TBC1D31: variants seen among roughly 807,000 people sequenced by gnomAD.
The protein encoded by TBC1D31 is TBC1 domain family member 31.
Under a neutral mutation model 132.9 loss-of-function variants are expected in TBC1D31, and 99 were observed. That is an observed-to-expected ratio of 0.74 (90% CI 0.63 to 0.88). TBC1D31 has a LOEUF of 0.88. Ranked by LOEUF, TBC1D31 falls within the 40% of genes least tolerant of loss-of-function variation. The pLI is 0.00. For missense variants in TBC1D31, 1,134 were observed against 1,256.6 expected (o/e 0.90, Z 1.48); for synonymous variants, 385 against 419.4 (o/e 0.92, Z 1.00).
intron 6 of TBC1D31, among the ~76,000 whole-genome samples, chr8:123,098,802 A>G (rs1817079068): frequency 6.6e-6 from 1 of 152,220 alleles, no homozygotes; most frequent in Non-Finnish European, 1.5e-5. Context: ...CCCAGAGTTG[A>G]AATAGTGGCA....
chr8:123,134,205 AG>A lies in TBC1D31; in HGVS notation c.2499+1del. The A allele has an allele frequency of 2.5e-6, 4 of 1,613,186 alleles. No homozygotes were observed. The highest frequency in any genetic ancestry group is 3.4e-6 in the Non-Finnish European group (4 of 1,179,194). On this transcript the variant is annotated frameshift_variant and splice_region_variant, in exon 17 of 22. Coordinates refer to ENST00000287380, the MANE Select transcript of TBC1D31 (RefSeq NM_145647.4). LOFTEE classifies it high-confidence loss of function. Reference protein sequence around the residue: ...ELESQKRLYEKNLTENQEALA... With the variant: ...ELESQKRLYEXNLTENQEALA... The stretch of plus-strand genomic sequence containing the variant: ...GAATCACAAAAGAGACTTTATGAGA[AG>A]GTATAATTCAGTTATTTCCAACATA...
intron 6 of TBC1D31, among the ~76,000 whole-genome samples, chr8:123,098,560 T>C (rs1817057842): frequency 6.6e-6 from 1 of 152,220 alleles, no homozygotes; most frequent in African/African-American, 2.4e-5. Flanking sequence ...AGTGCTGGGA[T>C]TATAGGCGTG....
chr8:123,138,026 G>C (rs577695516), intron 17 of TBC1D31, among the ~76,000 whole-genome samples: 1 of 152,064 alleles, frequency 6.6e-6, no homozygotes, highest in African/African-American at 2.4e-5. Flanking sequence ...GTATGCACAC[G>C]TCGTCCAATA....
chr8:123,135,127 T>C (rs892135087), intron 17 of TBC1D31, among the ~76,000 whole-genome samples: 1 of 152,308 alleles, frequency 6.6e-6, no homozygotes, highest in East Asian at 1.9e-4. Context: ...CCCAAACTCC[T>C]GGGCTCAAGC....
At chr8:123,157,243 G>A in the TBC1D31 span, among the ~76,000 whole-genome samples, 9 of 152,228 alleles carry the variant, frequency 5.9e-5, no homozygotes, top group African/African-American at 1.9e-4. Context: ...CCCGTGTGAG[G>A]ATCGAACTCA....
chr8:123,137,080 A>G (rs1487785165), intron 17 of TBC1D31, among the ~76,000 whole-genome samples: 2 of 152,192 alleles, frequency 1.3e-5, no homozygotes, highest in African/African-American at 4.8e-5. Flanking sequence ...CATGAGCTCA[A>G]CATTCCATAC....
chr8:123,153,111 T>G (rs576172544), downstream of TBC1D31, among the ~76,000 whole-genome samples: 7 of 152,272 alleles, frequency 4.6e-5, no homozygotes, highest in East Asian at 1.2e-3. Flanking sequence ...TTCCATACGT[T>G]TTTAGGTGAC....
chr8:123,140,922 G>C, intron 18 of TBC1D31, 21 bp downstream of exon 18: 2 of 1,608,176 alleles, frequency 1.2e-6, no homozygotes, highest in Non-Finnish European at 1.7e-6. Flanking sequence ...GATCCATTTA[G>C]TATACATGCA....
chr8:123,073,270 G>C (rs1814100089), intron 1 of TBC1D31: 2 of 462,942 alleles, frequency 4.3e-6, no homozygotes, highest in African/African-American at 2.0e-5. Flanking sequence ...TCTTCCAAAG[G>C]CTGCAGTTTA....
chr8:123,082,624 G>A lies in TBC1D31; in HGVS notation c.225-78G>A, dbSNP rs555328637. 1.8e-4 allele frequency: 179 copies of A among 1,008,248 alleles called. 1 individual carries two copies. Among genetic ancestry groups the A allele is most frequent in the African/African-American group, 6.7e-4 (41 of 61,180 alleles). 62.5% of individuals were successfully genotyped at this position (1,008,248 alleles called of 1,614,324 possible). On this transcript the variant is annotated intron_variant, in intron 2 of 21. Transcript: ENST00000287380. ...CATTTTTCTGGGTTTCATTTTCTTC[G>A]TCTCTACGGACTCCTTCCACATGGA...
intron 7 of TBC1D31, among the ~76,000 whole-genome samples, chr8:123,104,986 A>G (rs1817785575): frequency 6.6e-6 from 1 of 152,160 alleles, no homozygotes; most frequent in African/African-American, 2.4e-5. Context: ...TAACTTTACC[A>G]TGTATGTGTA....
chr8:123,135,669 A>G (rs1821024480), intron 17 of TBC1D31, among the ~76,000 whole-genome samples: 2 of 152,242 alleles, frequency 1.3e-5, no homozygotes, highest in Non-Finnish European at 2.9e-5. Context: ...TATGTTTGAT[A>G]TCCACATTAG....
At chr8:123,132,813 A>G (rs1820757278) in intron 16 of TBC1D31, among the ~76,000 whole-genome samples, 1 of 152,192 alleles carries the variant, frequency 6.6e-6, no homozygotes, top group African/African-American at 2.4e-5. Context: ...GGTTTTCAAA[A>G]TCCAAGATTT....
At chr8:123,122,190 G>A (rs1315280153) in intron 11 of TBC1D31, among the ~76,000 whole-genome samples, 2 of 152,098 alleles carry the variant, frequency 1.3e-5, no homozygotes, top group African/African-American at 4.8e-5. Flanking sequence ...TCACTCCTGG[G>A]TATATACCCA....
chr8:123,143,977 G>A (rs1004599919), intron 19 of TBC1D31, among the ~76,000 whole-genome samples: 5 of 152,138 alleles, frequency 3.3e-5, no homozygotes, highest in Non-Finnish European at 4.4e-5. Flanking sequence ...TGACTACTGC[G>A]TGGCCTTGGG....
the TBC1D31 span, among the ~76,000 whole-genome samples, chr8:123,159,082 G>C: frequency 6.6e-6 from 1 of 152,110 alleles, no homozygotes. Context: ...CCTAGATCCA[G>C]CTGTTTCTCC....
At chr8:123,124,603 C>T (rs1285306546) in intron 11 of TBC1D31, among the ~76,000 whole-genome samples, 1 of 152,032 alleles carries the variant, frequency 6.6e-6, no homozygotes, top group East Asian at 1.9e-4. Flanking sequence ...ATAACAAGTA[C>T]TCAGGTGCTG....
At chr8:123,145,941 G>A (rs1320344353) in intron 20 of TBC1D31, among the ~76,000 whole-genome samples, 2 of 147,402 alleles carry the variant, frequency 1.4e-5, no homozygotes, top group African/African-American at 5.0e-5. Flanking sequence ...TGCGATCTCA[G>A]CTCACTGCAA....
chr8:123,141,771 T>C (rs1447017819), intron 18 of TBC1D31, among the ~76,000 whole-genome samples: 1 of 151,544 alleles, frequency 6.6e-6, no homozygotes, highest in African/African-American at 2.4e-5. Context: ...AACATGGAAA[T>C]TGTTGAATCC....
Sources: gnomAD v4.1 joint callset for allele counts (sites outside exome capture counted in the v4.1 genomes callset) on GRCh38, gnomAD v4.1.1 for gene constraint, MANE v1.5 for transcripts, NCBI Gene and HGNC (gene_info 2026-07-23, HGNC 2026-07-21) for gene names.